TRAPPC12: variants seen among roughly 807,000 people sequenced by gnomAD.
TRAPPC12 encodes trafficking protein particle complex subunit 12, also known as TPR repeat protein 15.
A neutral mutation model predicts 69.2 loss-of-function variants in TRAPPC12; 61 were observed. That is an observed-to-expected ratio of 0.88 (90% confidence interval 0.72 to 1.09). The LOEUF is 1.09. TRAPPC12 is among the 50% of genes least tolerant of loss of function. TRAPPC12 has a pLI of 0.00. For missense variants in TRAPPC12, 1,101 were observed against 1,016.4 expected (o/e 1.08, Z -1.13); for synonymous variants, 469 against 438.9 (o/e 1.07, Z -0.86).
intron 2 of TRAPPC12, among the ~76,000 whole-genome samples, chr2:3,393,606 A>G (rs6751808): frequency 0.61 from 92,536 of 151,554 alleles, 28,702 homozygotes; most frequent in African/African-American, 0.73. Context: ...AAATGATCAT[A>G]TATACCTTGA....
intron 2 of TRAPPC12, among the ~76,000 whole-genome samples, chr2:3,399,030 T>C (rs2103461678): frequency 6.6e-6 from 1 of 152,290 alleles, no homozygotes; most frequent in East Asian, 1.9e-4. Flanking sequence ...TCCACCTCCC[T>C]GCGCTGTCAC....
chr2:3,436,971 C>A (rs1402797901), intron 5 of TRAPPC12, among the ~76,000 whole-genome samples: 3 of 121,720 alleles, frequency 2.5e-5, no homozygotes, highest in Admixed American at 8.2e-5. Flanking sequence ...GATTAATCCC[C>A]CAATCACCCC....
At chr2:3,478,440 C>G (rs190476112) in intron 10 of TRAPPC12, among the ~76,000 whole-genome samples, 1 of 152,258 alleles carries the variant, frequency 6.6e-6, no homozygotes, top group African/African-American at 2.4e-5. Context: ...TGAGGCCAGC[C>G]TGGCCAACAT....
intron 8 of TRAPPC12, among the ~76,000 whole-genome samples, chr2:3,464,046 T>C (rs1665659577): frequency 6.6e-6 from 1 of 152,108 alleles, no homozygotes; most frequent in African/African-American, 2.4e-5. Flanking sequence ...TGGGGTGCCA[T>C]GTCCGTCCCA....
chr2:3,426,552 G>A (rs998894073), intron 5 of TRAPPC12, among the ~76,000 whole-genome samples: 1 of 152,246 alleles, frequency 6.6e-6, no homozygotes, highest in Admixed American at 6.5e-5. Context: ...TGGAGGAAGT[G>A]GGGCCAGAGG....
chr2:3,435,486 T>C (rs1308172928), intron 5 of TRAPPC12, among the ~76,000 whole-genome samples: 2 of 152,202 alleles, frequency 1.3e-5, no homozygotes, highest in African/African-American at 2.4e-5. Context: ...AGGAAGAAAT[T>C]GGTACATTTT....
chr2:3,411,521 T>C (rs1276054442), intron 3 of TRAPPC12, among the ~76,000 whole-genome samples: 2 of 152,270 alleles, frequency 1.3e-5, no homozygotes, highest in African/African-American at 2.4e-5. Flanking sequence ...GTATGTGTTA[T>C]ACGTATGTGT....
In TRAPPC12 at chr2:3,414,401, TA is replaced by T. The variant is rs1662225028; in HGVS notation, c.1165-7479del. On this transcript the variant is annotated intron_variant, in intron 3 of 11. Coordinates refer to ENST00000324266, the MANE Select transcript of TRAPPC12 (RefSeq NM_016030.6). This position sits in a 1 kb window ranked among gnomAD's most constrained non-coding sequence, Gnocchi z 4.9. ...GGCAGCAGTCACTCCACTCTGGATT[TA>T]GTCCTTAGAATTCATTCTCTCCCTT... Among the ~76,000 whole-genome samples the T allele has an allele frequency of 6.6e-6, 1 of 152,042 alleles. No individual in the cohort carries two copies. The highest frequency in any genetic ancestry group is 1.5e-5 in the Non-Finnish European group (1 of 68,000).
intron 6 of TRAPPC12, among the ~76,000 whole-genome samples, chr2:3,448,317 T>C (rs1572176021): frequency 6.6e-6 from 1 of 152,122 alleles, no homozygotes; most frequent in Admixed American, 6.5e-5. Flanking sequence ...GGATTGTGGT[T>C]TTTTCCTCCA....
rs762968043 is a variant in TRAPPC12 at position 3,399,140 on chromosome 2, C to T, written c.1048-2637C>T. ...GGGATATTTGATAGTCATGCATATGCTAGTATCTCAGGAACTTGCTGTGGT... is the reference window on the plus strand; with the variant it reads ...GGGATATTTGATAGTCATGCATATGTTAGTATCTCAGGAACTTGCTGTGGT... On this transcript the variant is annotated intron_variant, in intron 2 of 11. Transcript: ENST00000324266. 2.0e-5 allele frequency among the ~76,000 whole-genome samples: 3 copies of T among 152,230 alleles called. No individual in the cohort carries two copies. In the East Asian group the frequency reaches 5.8e-4, roughly 29 times the overall value.
chr2:3,443,255 AT>A (rs1195182695), intron 5 of TRAPPC12, among the ~76,000 whole-genome samples: 1 of 152,180 alleles, frequency 6.6e-6, no homozygotes, highest in Non-Finnish European at 1.5e-5. Flanking sequence ...TGGGAGGCCC[AT>A]CCCCAGGGCC....
chr2:3,479,250 A>T lies in TRAPPC12; in HGVS notation c.1997A>T (p.Tyr666Phe). The change falls in exon 12 of 12, where the codon TAC becomes TTC. Residue 666 changes from tyrosine to phenylalanine, a missense_variant. Tyr to Phe is a conservative substitution (Grantham distance 22). Transcript: ENST00000324266. ...AACAACGCTGCCGTGTGTCTGCTCT[A>T]CCTGGGCAAGCTCAAGGACTCCCTG... ...ANNNAAVCLL[Y>F]LGKLKDSLRQ... The T allele has an allele frequency of 1.9e-6, 3 of 1,614,034 alleles. No homozygotes were observed. The highest frequency in any genetic ancestry group is 2.5e-6 in the Non-Finnish European group (3 of 1,179,952).
At chr2:3,447,432 A>G (rs537720155) in intron 6 of TRAPPC12, among the ~76,000 whole-genome samples, 17 of 152,310 alleles carry the variant, frequency 1.1e-4, no homozygotes, top group African/African-American at 3.4e-4. Context: ...AGCAAAGGGG[A>G]AGCAAGTGTG....
intron 2 of TRAPPC12, among the ~76,000 whole-genome samples, chr2:3,393,108 CT>C (rs202122893): frequency 2.9e-5 from 4 of 138,456 alleles, no homozygotes; most frequent in African/African-American, 8.1e-5. Context: ...AGACCTGTCT[CT>C]TTTTAAAAAA....
At chr2:3,466,044 A>C (rs1665794334) in intron 9 of TRAPPC12, among the ~76,000 whole-genome samples, 1 of 152,236 alleles carries the variant, frequency 6.6e-6, no homozygotes, top group African/African-American at 2.4e-5. Context: ...ACTCGCTGAT[A>C]TTTTGCCTGA....
chr2:3,424,487 G>A (rs371175393), intron 4 of TRAPPC12, 38 bp from the exon 5 acceptor site: 2 of 1,603,570 alleles, frequency 1.2e-6, no homozygotes, highest in African/African-American at 1.3e-5. Flanking sequence ...CTGGATATAT[G>A]TAGATAACCT....
In TRAPPC12 at chr2:3,388,680, G is replaced by A. The variant is rs756591771; in HGVS notation, c.1047+10G>A. 3.9e-6 allele frequency: 6 copies of A among 1,530,264 alleles called. No homozygotes were observed. The highest frequency in any genetic ancestry group is 3.9e-5 in the Admixed American group (2 of 51,910). The allele number at this position is 1,530,264 out of a possible 1,614,324, so 94.8% of individuals were successfully genotyped here. A position where few individuals can be genotyped will look rare whatever the true frequency, so the allele number is the denominator to read the frequency against. ...GTTCGACAACATCCAGGTGAGCCCG[G>A]GTCTCCCACCTCCGCAGCCCGTGCC... On this transcript the variant is annotated intron_variant, in intron 2 of 11. Transcript: ENST00000324266.
intron 2 of TRAPPC12, among the ~76,000 whole-genome samples, chr2:3,391,185 G>A (rs73143397): frequency 0.028 from 4,185 of 152,182 alleles, 184 homozygotes; most frequent in African/African-American, 0.094. Flanking sequence ...TACATGACGG[G>A]GCGCCCCACC....
At chr2:3,431,802 A>G (rs992371538) in intron 5 of TRAPPC12, among the ~76,000 whole-genome samples, 31 of 152,224 alleles carry the variant, frequency 2.0e-4, no homozygotes, top group Admixed American at 1.7e-3. Context: ...ACAAATGTTT[A>G]TAGTTTACAC....
Sources: gnomAD v4.1 joint callset for allele counts (sites outside exome capture counted in the v4.1 genomes callset) on GRCh38, gnomAD v4.1.1 for gene constraint, Gnocchi (gnomAD v3.1) non-coding constraint, MANE v1.5 for transcripts, NCBI Gene and HGNC (gene_info 2026-07-23, HGNC 2026-07-21) for gene names.